The following UST variants were observed in gnomAD, a reference collection of about 807,000 sequenced individuals.
UST encodes uronyl 2-sulfotransferase, also known as chondroitin sulfate 2-O-sulfotransferase.
In UST, 21 loss-of-function variants were observed where a neutral mutation model predicts 45.6. The observed-to-expected ratio is 0.46, with a 90% confidence interval of 0.33 to 0.66. UST has a LOEUF of 0.66. Among genes scored for constraint, UST ranks in the 30% least tolerant of loss-of-function variants. UST has a pLI of 0.02. For synonymous variants in UST, 215 were observed against 200.6 expected, an observed-to-expected ratio of 1.07 and a Z score of -0.61; for missense variants, 463 against 512.4, an observed-to-expected ratio of 0.90 and a Z score of 0.93.
intron 1 of UST, among the ~76,000 whole-genome samples, chr6:148,819,282 A>C (rs913124293): frequency 4.6e-5 from 7 of 152,208 alleles, no homozygotes; most frequent in African/African-American, 1.4e-4. Flanking sequence ...ACAAAAACAA[A>C]ACTTGTAAAA....
chr6:148,896,650 C>T (rs1225721871), intron 2 of UST, among the ~76,000 whole-genome samples: 2 of 152,120 alleles, frequency 1.3e-5, no homozygotes, highest in Non-Finnish European at 2.9e-5. Context: ...TAATTATGAA[C>T]TATTCCAAAC....
At position 149,074,143 on chromosome 6, in the gene UST, A is replaced by T. The variant is rs1406012577; in HGVS notation, c.*27A>T. On this transcript the variant is annotated 3_prime_UTR_variant, in exon 8 of 8. Coordinates refer to ENST00000367463, the MANE Select transcript of UST (RefSeq NM_005715.3). Reference sequence around the variant, plus strand: ...GTGACTGTGTTGCCTCTATGGCTTTATCTCCCTTTTCCAGAAAGTTCTTTG... The same window carrying T: ...GTGACTGTGTTGCCTCTATGGCTTTTTCTCCCTTTTCCAGAAAGTTCTTTG... 3 of 1,602,228 alleles carry T rather than the reference A, an allele frequency of 1.9e-6. No homozygotes were observed. Among genetic ancestry groups the T allele is most frequent in the Non-Finnish European group, 2.6e-6 (3 of 1,171,930 alleles).
intron 7 of UST, among the ~76,000 whole-genome samples, chr6:149,033,280 T>C (rs1213089120): frequency 2.0e-5 from 3 of 152,248 alleles, no homozygotes; most frequent in Admixed American, 1.3e-4. Flanking sequence ...TTATAAAATG[T>C]ACCCCCTGCC....
intron 2 of UST, among the ~76,000 whole-genome samples, chr6:148,909,116 G>T (rs1362008646): frequency 6.7e-6 from 1 of 149,318 alleles, no homozygotes; most frequent in Admixed American, 6.7e-5. Context: ...ACTTTTTATT[G>T]GAAATAATAT....
At chr6:149,046,126 C>G (rs1331328142) in intron 7 of UST, among the ~76,000 whole-genome samples, 5 of 152,182 alleles carry the variant, frequency 3.3e-5, no homozygotes, top group Admixed American at 6.5e-5. Flanking sequence ...TAGAACATAC[C>G]TGTGCCTGGA....
At chr6:148,921,453 T>C (rs1169765072) in intron 2 of UST, among the ~76,000 whole-genome samples, 2 of 152,222 alleles carry the variant, frequency 1.3e-5, no homozygotes, top group African/African-American at 2.4e-5. Context: ...GCTTGTTGTT[T>C]GTTGGGTGGT....
Position 149,074,490 on chromosome 6 carries a change from G to A in UST, c.*374G>A. The A allele has an allele frequency of 8.8e-6, 2 of 226,886 alleles. No individual in the cohort carries two copies. Among genetic ancestry groups the A allele is most frequent in the South Asian group, 1.5e-4 (2 of 12,914 alleles). The allele number at this position is 226,886 out of a possible 1,614,324, so 14.1% of individuals were successfully genotyped here. A position where few individuals can be genotyped will look rare whatever the true frequency, so the allele number is the denominator to read the frequency against. ...TTACCTCAATGGTAGGAGACATCCA[G>A]ACTTGTATATTTCAGTGGAAATACA... On this transcript the variant is annotated 3_prime_UTR_variant, in exon 8 of 8. Transcript: ENST00000367463.
At chr6:148,827,816 T>G (rs1055215323) in intron 1 of UST, among the ~76,000 whole-genome samples, 2 of 151,954 alleles carry the variant, frequency 1.3e-5, no homozygotes, top group African/African-American at 4.8e-5. Flanking sequence ...GACATGATAT[T>G]TAGATGAACA....
At chr6:148,891,120 C>CAGAAAA (rs1473186021) in intron 2 of UST, among the ~76,000 whole-genome samples, 1 of 152,152 alleles carries the variant, frequency 6.6e-6, no homozygotes, top group Non-Finnish European at 1.5e-5. Context: ...ATCTAAAAAT[C>CAGAAAA]AGAAAAAGAA....
chr6:148,998,118 G>C (rs1582951281), intron 5 of UST, among the ~76,000 whole-genome samples: 1 of 152,222 alleles, frequency 6.6e-6, no homozygotes, highest in African/African-American at 2.4e-5. Flanking sequence ...CTGAGGCTAA[G>C]ACAGTTTCTG....
chr6:149,017,125 C>T (rs2115017478), intron 5 of UST, among the ~76,000 whole-genome samples: 1 of 152,348 alleles, frequency 6.6e-6, no homozygotes, highest in African/African-American at 2.4e-5. Context: ...CGCCTGTAAT[C>T]CCAGCTCTTT....
At chr6:148,975,032 A>G (rs1352889457) in intron 5 of UST, among the ~76,000 whole-genome samples, 2 of 152,240 alleles carry the variant, frequency 1.3e-5, no homozygotes, top group African/African-American at 4.8e-5. Flanking sequence ...AACAACTAAA[A>G]AGGAAACTTT....
In UST at chr6:149,030,190, A is replaced by C. The variant is rs569527607; in HGVS notation, c.937+8709A>C. Among the ~76,000 whole-genome samples the C allele has an allele frequency of 2.8e-4, 43 of 152,292 alleles. 4 individuals are homozygous for C. In the South Asian group the frequency reaches 8.9e-3, roughly 32 times the overall value. On this transcript the variant is annotated intron_variant, in intron 7 of 7. Coordinates refer to ENST00000367463, the MANE Select transcript of UST (RefSeq NM_005715.3). ...TTGCTCACAGTCTCGCCAAGTCCTA[A>C]GGGACAGCACTGACATTCACGCTTC...
rs905637699 is a variant in UST, at chr6:148,975,352, C to T, written c.681+10789C>T. On this transcript the variant is annotated intron_variant, in intron 5 of 7. Transcript: ENST00000367463. ...CCTGTCACAGCTCCCTGTTAAACACCCAATAACAGATGCGAGGATGTGTGG... is the reference window on the plus strand; with the variant it reads ...CCTGTCACAGCTCCCTGTTAAACACTCAATAACAGATGCGAGGATGTGTGG... 1.3e-5 allele frequency among the ~76,000 whole-genome samples: 2 copies of T among 152,148 alleles called. 1 individual carries two copies. The highest frequency in any genetic ancestry group is 1.3e-4 in the Admixed American group (2 of 15,284).
chr6:149,029,957 AGCACTCATACATGAT>A (rs1178304862), intron 7 of UST, among the ~76,000 whole-genome samples: 1 of 151,702 alleles, frequency 6.6e-6, no homozygotes, highest in Non-Finnish European at 1.5e-5. Context: ...CTTATTATAT[AGCACTCATACATGAT>A]GCAATCATCT....
intron 3 of UST, among the ~76,000 whole-genome samples, chr6:148,945,987 T>C (rs1053127621): frequency 1.5e-4 from 23 of 152,356 alleles, no homozygotes; most frequent in African/African-American, 5.5e-4. Flanking sequence ...CCTATGCCCA[T>C]GTGCCCTAGA....
intron 7 of UST, among the ~76,000 whole-genome samples, chr6:149,051,599 A>G (rs1776488580): frequency 6.6e-6 from 1 of 152,158 alleles, no homozygotes; most frequent in Admixed American, 6.5e-5. Flanking sequence ...TTTTGCCTAA[A>G]CTACATAGCC....
intron 1 of UST, among the ~76,000 whole-genome samples, chr6:148,863,977 T>C (rs1305119632): frequency 6.6e-6 from 1 of 152,186 alleles, no homozygotes; most frequent in Non-Finnish European, 1.5e-5. Flanking sequence ...AGGCAGTCTG[T>C]CTGTTCTCAG....
In UST at chr6:148,977,474, G is replaced by T. The variant is rs369768608; in HGVS notation, c.681+12911G>T. Among the ~76,000 whole-genome samples, 23 of 152,038 alleles carry T rather than the reference G, an allele frequency of 1.5e-4. 1 individual carries two copies. The South Asian group carries it at 4.6e-3, about 30-fold the overall frequency. On this transcript the variant is annotated intron_variant, in intron 5 of 7. Coordinates refer to ENST00000367463, the MANE Select transcript of UST (RefSeq NM_005715.3). ...CTTTAAAATCAGCTTGTTCAGGGTCGGGCGTGGTGGCTCACGCCTGTAATC... is the reference window on the plus strand; with the variant it reads ...CTTTAAAATCAGCTTGTTCAGGGTCTGGCGTGGTGGCTCACGCCTGTAATC...
Sources: gnomAD v4.1 joint callset for allele counts (sites outside exome capture counted in the v4.1 genomes callset) on GRCh38, gnomAD v4.1.1 for gene constraint, MANE v1.5 for transcripts, NCBI Gene and HGNC (gene_info 2026-07-23, HGNC 2026-07-21) for gene names.